PIK3C2G: variants seen among roughly 807,000 people sequenced by gnomAD.
The protein encoded by PIK3C2G is phosphatidylinositol 3-kinase C2 domain-containing subunit gamma.
In PIK3C2G, 168 loss-of-function variants were observed where a neutral mutation model predicts 181.1. The observed-to-expected ratio is 0.93, with a 90% CI of 0.82 to 1.05. The LOEUF (loss-of-function observed/expected upper bound fraction) is 1.05. PIK3C2G is among the 50% of genes least tolerant of loss of function. The pLI is 0.00. For synonymous variants in PIK3C2G, 573 were observed against 592.2 expected, an observed-to-expected ratio of 0.97 and a Z score of 0.47; for missense variants, 1,869 against 1,732.8, an observed-to-expected ratio of 1.08 and a Z score of -1.40.
At chr12:18,294,067 A>G (rs2137227465) in intron 5 of PIK3C2G, 52 bp downstream of exon 5, 1 of 785,324 alleles carries the variant, frequency 1.3e-6, no homozygotes, top group East Asian at 2.6e-5. Context: ...ATATTAAGTT[A>G]CCACTTGTTT....
chr12:18,302,266 G>T (rs4534639), intron 5 of PIK3C2G, among the ~76,000 whole-genome samples: 1 of 151,892 alleles, frequency 6.6e-6, no homozygotes, highest in Non-Finnish European at 1.5e-5. Flanking sequence ...CTGGCAGTGC[G>T]CCTACAATCA....
At chr12:18,575,581 T>C (rs1946194831) in intron 29 of PIK3C2G, among the ~76,000 whole-genome samples, 1 of 152,140 alleles carries the variant, frequency 6.6e-6, no homozygotes, top group Non-Finnish European at 1.5e-5. Context: ...AGATGCTATG[T>C]TGTGTCAAAG....
chr12:18,532,807 G>A (rs890289552), intron 24 of PIK3C2G, among the ~76,000 whole-genome samples: 3 of 151,920 alleles, frequency 2.0e-5, no homozygotes, highest in African/African-American at 2.4e-5. Context: ...CTTGGCTGGT[G>A]TAGGGGAGAA....
chr12:18,353,871 T>C (rs945093789), intron 11 of PIK3C2G, among the ~76,000 whole-genome samples: 2 of 152,174 alleles, frequency 1.3e-5, no homozygotes, highest in African/African-American at 4.8e-5. Flanking sequence ...TAGGTCAGTA[T>C]AGTTGAGAGG....
intron 1 of PIK3C2G, among the ~76,000 whole-genome samples, chr12:18,271,066 A>G (rs1297737235): frequency 6.6e-6 from 1 of 152,094 alleles, no homozygotes; most frequent in African/African-American, 2.4e-5. Flanking sequence ...CTCTAGTGGA[A>G]GCTGTTCATA....
intron 8 of PIK3C2G, among the ~76,000 whole-genome samples, chr12:18,333,386 C>T (rs1938179431): frequency 6.6e-6 from 1 of 152,020 alleles, no homozygotes; most frequent in South Asian, 2.1e-4. Flanking sequence ...TTGCTGCACC[C>T]ATCAACCCGT....
chr12:18,593,926 A>C (rs1384340745), intron 29 of PIK3C2G, among the ~76,000 whole-genome samples: 1 of 151,794 alleles, frequency 6.6e-6, no homozygotes, highest in Non-Finnish European at 1.5e-5. Flanking sequence ...TCTCTTTAGA[A>C]AACAATTAAG....
intron 11 of PIK3C2G, among the ~76,000 whole-genome samples, chr12:18,361,747 T>C (rs894345444): frequency 6.6e-6 from 1 of 152,178 alleles, no homozygotes; most frequent in Non-Finnish European, 1.5e-5. Flanking sequence ...GGTGATCAGA[T>C]CTTTTTGTTT....
the PIK3C2G span, among the ~76,000 whole-genome samples, chr12:18,664,597 G>C: frequency 6.6e-6 from 1 of 152,064 alleles, no homozygotes; most frequent in African/African-American, 2.4e-5. Context: ...TAGAATAGTG[G>C]TTGCCAGGTC....
chr12:18,253,434 G>T (rs1345077723), intron 1 of PIK3C2G, among the ~76,000 whole-genome samples: 2 of 152,084 alleles, frequency 1.3e-5, no homozygotes, highest in Admixed American at 6.6e-5. Context: ...ATAAAACACC[G>T]ATTCCATATT....
At chr12:18,501,414 C>T (rs1430378939) in intron 22 of PIK3C2G, among the ~76,000 whole-genome samples, 3 of 152,220 alleles carry the variant, frequency 2.0e-5, no homozygotes, top group East Asian at 3.9e-4. Flanking sequence ...GAAAACTGTC[C>T]ACATGATCTG....
the PIK3C2G span, chr12:18,684,079 A>G: frequency 1.3e-6 from 2 of 1,593,254 alleles, no homozygotes; most frequent in Non-Finnish European, 1.7e-6. Flanking sequence ...TTTGATATAC[A>G]CAAGTTATAT....
intron 30 of PIK3C2G, 131 bp downstream of exon 30, chr12:18,594,700 T>C (rs1413489315): frequency 2.1e-6 from 1 of 473,088 alleles, no homozygotes; most frequent in African/African-American, 2.0e-5. Flanking sequence ...TACTCTTTTC[T>C]AACCATTTCC....
intron 29 of PIK3C2G, among the ~76,000 whole-genome samples, chr12:18,591,417 C>G (rs1947072285): frequency 6.6e-6 from 1 of 150,528 alleles, no homozygotes; most frequent in South Asian, 2.1e-4. Flanking sequence ...GAATAAGTCA[C>G]AATCTCTGTA....
intron 1 of PIK3C2G, among the ~76,000 whole-genome samples, chr12:18,280,156 C>G (rs560235844): frequency 6.6e-6 from 1 of 151,912 alleles, no homozygotes; most frequent in Non-Finnish European, 1.5e-5. Context: ...TTTCTCCTAA[C>G]TAAAGTGTGG....
rs529247876 is a variant in PIK3C2G at position 18,374,958 on chromosome 12, G to T, written c.1880+3647G>T. Among the ~76,000 whole-genome samples, 4 of 152,220 alleles carry T rather than the reference G, an allele frequency of 2.6e-5. No homozygotes were observed. In the East Asian group the frequency reaches 7.7e-4, roughly 29 times the overall value. ...ATGCCAGCACCATGCTTCCTGTAAA[G>T]CCTGGAAAACTGTGAGCCAATTAAA... On this transcript the variant is annotated intron_variant, in intron 13 of 32. Coordinates refer to ENST00000538779, the MANE Select transcript of PIK3C2G (RefSeq NM_001288772.2).
At chr12:18,702,205 A>G in the PIK3C2G span, among the ~76,000 whole-genome samples, 22 of 152,220 alleles carry the variant, frequency 1.4e-4, no homozygotes, top group Middle Eastern at 0.01. Context: ...TAAAATGTCT[A>G]TCATAAGTGT....
At chr12:18,262,837 C>T (rs1001891666) in intron 1 of PIK3C2G, among the ~76,000 whole-genome samples, 13 of 152,050 alleles carry the variant, frequency 8.5e-5, no homozygotes, top group African/African-American at 2.7e-4. Context: ...AGGAAGAAAA[C>T]GTGATGAAGT....
At position 18,360,955 on chromosome 12, in the gene PIK3C2G, A is replaced by T. The variant is rs114307197; in HGVS notation, c.1626-1809A>T. Among the ~76,000 whole-genome samples the T allele has an allele frequency of 6.7e-3, 1,013 of 152,104 alleles. 10 individuals carry two copies. Among genetic ancestry groups the T allele is most frequent in the African/African-American group, 0.023 (969 of 41,516 alleles). On this transcript the variant is annotated intron_variant, in intron 11 of 32. Coordinates refer to ENST00000538779, the MANE Select transcript of PIK3C2G (RefSeq NM_001288772.2). ...TTCACCATTACTTTTTCAAATGAGC[A>T]TTCCTCTTTTTTTCTTTTTCTTTTT...
Sources: gnomAD v4.1 joint callset for allele counts (sites outside exome capture counted in the v4.1 genomes callset) on GRCh38, gnomAD v4.1.1 for gene constraint, MANE v1.5 for transcripts, NCBI Gene and HGNC (gene_info 2026-07-23, HGNC 2026-07-21) for gene names.